MYOM1: variants seen among roughly 807,000 people sequenced by gnomAD.
The protein encoded by MYOM1 is myomesin-1.
MYOM1 carries 164 observed loss-of-function variants against 205.3 expected under a neutral mutation model. The observed-to-expected ratio is 0.80, with a 90% CI of 0.70 to 0.91. MYOM1 has a LOEUF of 0.91. Ranked by LOEUF, MYOM1 falls within the 40% of genes least tolerant of loss-of-function variation. MYOM1 has a pLI of 0.00. For synonymous variants in MYOM1, 772 were observed against 789.4 expected, an observed-to-expected ratio of 0.98 and a Z score of 0.37; for missense variants, 2,011 against 2,127.3, an observed-to-expected ratio of 0.95 and a Z score of 1.08.
intron 37 of MYOM1, among the ~76,000 whole-genome samples, chr18:3,068,733 C>A (rs375610252): frequency 1.5e-4 from 23 of 152,134 alleles, no homozygotes; most frequent in African/African-American, 5.5e-4. Flanking sequence ...CTTGTTCTTG[C>A]TGACTAGAAT....
chr18:3,185,124 C>CT (rs772125824), intron 5 of MYOM1, among the ~76,000 whole-genome samples: 2 of 152,108 alleles, frequency 1.3e-5, no homozygotes, highest in East Asian at 3.8e-4. Flanking sequence ...TTTTTAATTA[C>CT]TTTTTTTCCA....
At chr18:3,118,652 C>A (rs1023939145) in intron 20 of MYOM1, among the ~76,000 whole-genome samples, 10 of 151,834 alleles carry the variant, frequency 6.6e-5, no homozygotes, top group East Asian at 1.9e-4. Context: ...CACTTTTGAT[C>A]AAAAAAAATT....
chr18:3,222,671 A>T (rs2081336844), upstream of MYOM1, among the ~76,000 whole-genome samples: 1 of 152,202 alleles, frequency 6.6e-6, no homozygotes, highest in African/African-American at 2.4e-5. Context: ...AATGGACAGT[A>T]TTGGCACATG....
At chr18:3,193,090 G>C (rs2080934585) in intron 3 of MYOM1, among the ~76,000 whole-genome samples, 1 of 151,738 alleles carries the variant, frequency 6.6e-6, no homozygotes, top group Admixed American at 6.6e-5. Flanking sequence ...GCGATATAGT[G>C]AGACCCCATC....
intron 5 of MYOM1, among the ~76,000 whole-genome samples, chr18:3,187,214 A>C (rs1172263713): frequency 6.6e-6 from 1 of 152,226 alleles, no homozygotes; most frequent in African/African-American, 2.4e-5. Context: ...ATGTTGACTA[A>C]AATGCAATAC....
chr18:3,096,308 G>A (rs990768309), intron 25 of MYOM1, among the ~76,000 whole-genome samples: 1 of 152,086 alleles, frequency 6.6e-6, no homozygotes, highest in African/African-American at 2.4e-5. Context: ...CCCTTTTAAG[G>A]TCATTGTGGA....
intron 2 of MYOM1, among the ~76,000 whole-genome samples, chr18:3,201,234 A>ATTTT (rs1349892343): frequency 3.9e-5 from 6 of 152,160 alleles, no homozygotes; most frequent in Non-Finnish European, 8.8e-5. Context: ...CCCTGCCTCT[A>ATTTT]CTAAAAATAC....
intron 8 of MYOM1, among the ~76,000 whole-genome samples, chr18:3,173,122 T>C (rs1232397202): frequency 1.3e-5 from 2 of 152,220 alleles, no homozygotes; most frequent in Admixed American, 6.5e-5. Flanking sequence ...TATAATTATT[T>C]CAACAACCAT....
intron 10 of MYOM1, among the ~76,000 whole-genome samples, chr18:3,157,023 T>C (rs2080310185): frequency 6.6e-6 from 1 of 152,082 alleles, no homozygotes; most frequent in South Asian, 2.1e-4. Flanking sequence ...CTGACATGCT[T>C]GGGCTGCAAA....
At chr18:3,169,704 G>C (rs1157422357) in intron 8 of MYOM1, among the ~76,000 whole-genome samples, 1 of 152,146 alleles carries the variant, frequency 6.6e-6, no homozygotes, top group African/African-American at 2.4e-5. Context: ...TGGTGGGAAC[G>C]TAAATTAGTA....
In MYOM1 at chr18:3,116,506, TGCG is replaced by T. The variant is rs1202862280; in HGVS notation, c.3125_3127del (p.Pro1042del). Reference sequence around the variant, plus strand: ...CCTGACTTCACTACACTTGAGACTGTGCGGTGGTCCTGAGAGAGAGAGAAGCCA... The same window carrying T: ...CCTGACTTCACTACACTTGAGACTGTGTGGTCCTGAGAGAGAGAGAAGCCA... On this transcript the variant is annotated inframe_deletion, in exon 21 of 38. Transcript: ENST00000356443. 1 of 1,553,592 alleles carries T rather than the reference TGCG, an allele frequency of 6.4e-7. No homozygotes were observed. The highest frequency in any genetic ancestry group is 8.7e-7 in the Non-Finnish European group (1 of 1,147,444).
the MYOM1 span, among the ~76,000 whole-genome samples, chr18:3,242,868 C>T: frequency 6.6e-6 from 1 of 152,154 alleles, no homozygotes; most frequent in African/African-American, 2.4e-5. Flanking sequence ...AATTTATTAT[C>T]TATATAATCC....
chr18:3,101,029 T>C (rs1328998312), intron 23 of MYOM1, among the ~76,000 whole-genome samples: 3 of 152,220 alleles, frequency 2.0e-5, no homozygotes, highest in South Asian at 2.1e-4. Flanking sequence ...GTAAGCTATA[T>C]TGCTAGGCAG....
rs139612601 is a variant in MYOM1, at chr18:3,086,249, C to G, written c.4138-98G>C. 1,092 of 612,084 alleles carry G rather than the reference C, an allele frequency of 1.8e-3. 8 individuals are homozygous for G. In the African/African-American group the frequency reaches 0.019, roughly 11 times the overall value. 37.9% of individuals were successfully genotyped at this position (612,084 alleles called of 1,614,324 possible). On this transcript the variant is annotated intron_variant, in intron 29 of 37. Transcript: ENST00000356443. ...GCAGCAAGATATAAAAGAAAAAGCA[C>G]TGAACGTGGAGTGAGAAGACACAGA...
At chr18:3,144,373 A>T (rs1284621047) in intron 13 of MYOM1, among the ~76,000 whole-genome samples, 1 of 152,214 alleles carries the variant, frequency 6.6e-6, no homozygotes, top group East Asian at 1.9e-4. Flanking sequence ...AAATGGAATA[A>T]TAAAAAATAC....
At chr18:3,168,692 C>A in intron 9 of MYOM1, 125 bp downstream of exon 9, 1 of 922,042 alleles carries the variant, frequency 1.1e-6, no homozygotes, top group Non-Finnish European at 1.6e-6. Flanking sequence ...ATGTGAAAAC[C>A]TTTTAATCGT....
At chr18:3,077,217 C>T (rs746763047) in intron 34 of MYOM1, among the ~76,000 whole-genome samples, 1 of 151,684 alleles carries the variant, frequency 6.6e-6, no homozygotes. Context: ...CAGGGTCTTG[C>T]GATGTTGTCC....
At chr18:3,109,146 A>AT (rs558123177) in intron 22 of MYOM1, among the ~76,000 whole-genome samples, 6 of 150,820 alleles carry the variant, frequency 4.0e-5, no homozygotes, top group African/African-American at 1.2e-4. Context: ...CGCCCAGCTA[A>AT]TTTTTTTTGT....
intron 34 of MYOM1, among the ~76,000 whole-genome samples, chr18:3,076,886 G>T (rs1271586967): frequency 5.3e-5 from 8 of 151,954 alleles, no homozygotes; most frequent in Admixed American, 1.3e-4. Flanking sequence ...GCTAATTTTT[G>T]TATTTTTTGT....
Sources: gnomAD v4.1 joint callset for allele counts (sites outside exome capture counted in the v4.1 genomes callset) on GRCh38, gnomAD v4.1.1 for gene constraint, MANE v1.5 for transcripts, NCBI Gene and HGNC (gene_info 2026-07-23, HGNC 2026-07-21) for gene names.